Variants in SCFD2 observed in about 807,000 individuals in gnomAD.
SCFD2 encodes the protein sec1 family domain-containing protein 2.
Under a neutral mutation model 58.9 loss-of-function variants are expected in SCFD2, and 54 were observed. That is an observed-to-expected ratio of 0.92 (90% CI 0.74 to 1.15). The LOEUF (loss-of-function observed/expected upper bound fraction) is 1.15, where lower values mean the gene tolerates loss of function less well. Among genes scored for constraint, SCFD2 ranks in the 50% most tolerant of loss-of-function variants. The probability of loss-of-function intolerance (pLI) is 0.00; values close to 1 mark genes in which losing one functional copy is unlikely to be tolerated. For missense variants in SCFD2, 805 were observed against 836.6 expected, an observed-to-expected ratio of 0.96 and a Z score of 0.47; for synonymous variants, 321 against 335.9, an observed-to-expected ratio of 0.96 and a Z score of 0.49.
chr4:52,954,144 C>T (rs1050963615), intron 5 of SCFD2, among the ~76,000 whole-genome samples: 1 of 152,214 alleles, frequency 6.6e-6, no homozygotes, highest in African/African-American at 2.4e-5. Flanking sequence ...TGAGCTGCTC[C>T]CACATCCATT....
intron 4 of SCFD2, among the ~76,000 whole-genome samples, chr4:53,261,419 A>G (rs1730825036): frequency 6.6e-6 from 1 of 151,982 alleles, no homozygotes; most frequent in Non-Finnish European, 1.5e-5. Flanking sequence ...AGAGGTTTTG[A>G]TAGGTTGTGT....
chr4:53,253,158 T>A (rs982698594), intron 4 of SCFD2, among the ~76,000 whole-genome samples: 1 of 152,204 alleles, frequency 6.6e-6, no homozygotes, highest in Non-Finnish European at 1.5e-5. Flanking sequence ...TCACTGGCCA[T>A]CAGAGAAATG....
At chr4:52,949,041 G>T (rs1031578630) in intron 5 of SCFD2, 2 of 152,808 alleles carry the variant, frequency 1.3e-5, no homozygotes, top group Middle Eastern at 3.1e-3. Context: ...GATAGATGTT[G>T]CTGAGCCACC....
At chr4:52,907,703 C>G in intron 6 of SCFD2, 112 bp from the exon 7 acceptor site, 1 of 861,418 alleles carries the variant, frequency 1.2e-6, no homozygotes, top group Non-Finnish European at 1.9e-6. Flanking sequence ...CTGAGCAATG[C>G]CTATATGTGT....
intron 5 of SCFD2, among the ~76,000 whole-genome samples, chr4:52,992,904 G>C (rs1226952854): frequency 6.6e-6 from 1 of 152,230 alleles, no homozygotes; most frequent in African/African-American, 2.4e-5. Context: ...GTACCCAACA[G>C]CTCATTGAGA....
chr4:53,012,355 T>TTCTCTC (rs71195197), intron 5 of SCFD2, among the ~76,000 whole-genome samples: 12 of 146,058 alleles, frequency 8.2e-5, no homozygotes, highest in Non-Finnish European at 1.7e-4. Context: ...CTCTCTCTCT[T>TTCTCTC]TCTCTCTCTC....
chr4:53,170,927 T>C (rs1392182635), intron 4 of SCFD2, among the ~76,000 whole-genome samples: 1 of 152,206 alleles, frequency 6.6e-6, no homozygotes, highest in Non-Finnish European at 1.5e-5. Context: ...CAGCTTTTAG[T>C]GAAATCTTTA....
chr4:53,073,051 C>T (rs1229414098), intron 5 of SCFD2, among the ~76,000 whole-genome samples: 3 of 151,992 alleles, frequency 2.0e-5, no homozygotes, highest in Admixed American at 2.0e-4. Context: ...AAAAATATTC[C>T]AAAAAATAGT....
At chr4:53,031,967 A>AACTCC (rs1722626080) in intron 5 of SCFD2, among the ~76,000 whole-genome samples, 1 of 152,236 alleles carries the variant, frequency 6.6e-6, no homozygotes, top group Non-Finnish European at 1.5e-5. Flanking sequence ...AGAGAAGAGC[A>AACTCC]ACTCCAAGAC....
At chr4:53,290,277 C>G (rs1221456570) in intron 3 of SCFD2, among the ~76,000 whole-genome samples, 1 of 152,020 alleles carries the variant, frequency 6.6e-6, no homozygotes, top group Non-Finnish European at 1.5e-5. Context: ...AGTATTGATT[C>G]TAACCAAAGT....
At chr4:52,896,448 T>A (rs1719015334) in intron 7 of SCFD2, among the ~76,000 whole-genome samples, 1 of 152,222 alleles carries the variant, frequency 6.6e-6, no homozygotes, top group South Asian at 2.1e-4. Context: ...TTTTGTCAGG[T>A]TTGTCAAAGA....
chr4:53,299,521 C>T (rs1265262727), intron 3 of SCFD2, among the ~76,000 whole-genome samples: 6 of 152,282 alleles, frequency 3.9e-5, no homozygotes, highest in African/African-American at 1.4e-4. Context: ...GGAAAACACT[C>T]TGCAGGATAT....
rs1255472123 is a variant in SCFD2 at position 53,271,308 on chromosome 4, C to G, written c.1311+2518G>C. Among the ~76,000 whole-genome samples, 5 of 150,338 alleles carry G rather than the reference C, an allele frequency of 3.3e-5. No homozygotes were observed. The South Asian group carries it at 8.4e-4, about 25-fold the overall frequency. ...CACATACATACACACATACAACACA[C>G]ACACACGCACACACACACACACACA... is the stretch of plus-strand genomic sequence containing the variant. On this transcript the variant is annotated intron_variant, in intron 4 of 8. Transcript: ENST00000401642.
intron 5 of SCFD2, among the ~76,000 whole-genome samples, chr4:53,097,821 T>C (rs1313325747): frequency 6.6e-6 from 1 of 152,240 alleles, no homozygotes; most frequent in Admixed American, 6.5e-5. Flanking sequence ...CTTCCAGTTT[T>C]TGTCCATTCA....
At chr4:52,929,688 G>A (rs774512866) in intron 5 of SCFD2, among the ~76,000 whole-genome samples, 1 of 152,180 alleles carries the variant, frequency 6.6e-6, no homozygotes, top group African/African-American at 2.4e-5. Context: ...CAGAAAGCGG[G>A]AATCCTGTTA....
chr4:53,130,637 G>T (rs1326067462), intron 5 of SCFD2, among the ~76,000 whole-genome samples: 3 of 152,044 alleles, frequency 2.0e-5, no homozygotes, highest in African/African-American at 7.3e-5. Context: ...TTGGCCAAAG[G>T]GTATCCCATC....
chr4:52,916,255 AG>A (rs1167387573), intron 6 of SCFD2, among the ~76,000 whole-genome samples: 1 of 152,230 alleles, frequency 6.6e-6, no homozygotes, highest in African/African-American at 2.4e-5. Context: ...GAGCATTTGC[AG>A]TAAGAAACGG....
chr4:53,235,295 CA>C (rs1405238034), intron 4 of SCFD2, among the ~76,000 whole-genome samples: 1 of 152,320 alleles, frequency 6.6e-6, no homozygotes, highest in South Asian at 2.1e-4. Context: ...TCCTAACAGC[CA>C]CAATGAGATA....
chr4:53,174,731 G>A (rs532545251), intron 4 of SCFD2, among the ~76,000 whole-genome samples: 2 of 152,252 alleles, frequency 1.3e-5, no homozygotes, highest in South Asian at 4.1e-4. Flanking sequence ...TAGAGTCCTG[G>A]AGTGGGGGAA....
Sources: gnomAD v4.1 joint callset for allele counts (sites outside exome capture counted in the v4.1 genomes callset) on GRCh38, gnomAD v4.1.1 for gene constraint, MANE v1.5 for transcripts, NCBI Gene and HGNC (gene_info 2026-07-23, HGNC 2026-07-21) for gene names.